SUSD3: variants seen among roughly 807,000 people sequenced by gnomAD.
SUSD3 encodes sushi domain containing 3.
A neutral mutation model predicts 20.6 loss-of-function variants in SUSD3; 18 were observed. That is an observed-to-expected ratio of 0.87 (90% CI 0.60 to 1.30). SUSD3 has a LOEUF of 1.30. Ranked by LOEUF, SUSD3 falls within the 50% of genes most tolerant of loss-of-function variation. The pLI is 0.00. For synonymous variants in SUSD3, 137 were observed against 141.5 expected (o/e 0.97, Z 0.23); for missense variants, 306 against 346.9 (o/e 0.88, Z 0.94).
At chr9:93,080,987 G>A (rs999012930) in intron 4 of SUSD3, among the ~76,000 whole-genome samples, 1 of 152,128 alleles carries the variant, frequency 6.6e-6, no homozygotes, top group Non-Finnish European at 1.5e-5. Context: ...TATTGTCACA[G>A]ATCTCCTGTC....
intron 4 of SUSD3, 23 bp from the exon 5 acceptor site, chr9:93,084,514 A>G (rs1380414234): frequency 6.4e-7 from 1 of 1,554,640 alleles, no homozygotes; most frequent in East Asian, 2.4e-5. Context: ...TCTTTTGCCA[A>G]CTCATGCCTC....
chr9:93,060,797 A>G (rs1825474439), intron 1 of SUSD3, among the ~76,000 whole-genome samples: 1 of 152,208 alleles, frequency 6.6e-6, no homozygotes. Context: ...TGATCACCTC[A>G]CTGCACTCCA....
At chr9:93,064,128 G>A (rs964187585) in intron 1 of SUSD3, among the ~76,000 whole-genome samples, 4 of 151,956 alleles carry the variant, frequency 2.6e-5, no homozygotes. Flanking sequence ...GGCTCACTGC[G>A]GCTTCTGCCT....
At chr9:93,073,101 C>T (rs1439483861) in intron 1 of SUSD3, among the ~76,000 whole-genome samples, 1 of 152,136 alleles carries the variant, frequency 6.6e-6, no homozygotes, top group Non-Finnish European at 1.5e-5. Context: ...TCCCTGCCAT[C>T]ACCCCCATCT....
At chr9:93,061,386 C>A (rs139028635) in intron 1 of SUSD3, among the ~76,000 whole-genome samples, 1 of 152,278 alleles carries the variant, frequency 6.6e-6, no homozygotes, top group Non-Finnish European at 1.5e-5. Context: ...CTCCTGCCAC[C>A]CATTGGCATC....
chr9:93,059,483 G>A (rs761451957), intron 1 of SUSD3, among the ~76,000 whole-genome samples: 1 of 152,150 alleles, frequency 6.6e-6, no homozygotes, highest in Non-Finnish European at 1.5e-5. Context: ...GTCTGCTCCC[G>A]TGCCCAAGGC....
intron 3 of SUSD3, among the ~76,000 whole-genome samples, chr9:93,078,909 C>T (rs1441913390): frequency 6.6e-6 from 1 of 152,052 alleles, no homozygotes; most frequent in Non-Finnish European, 1.5e-5. Context: ...ACGCCATTCT[C>T]CTGCCTCAGC....
rs1826140085 is a variant in SUSD3 at position 93,075,950 on chromosome 9, T to C, written c.255T>C (p.Ser85=). Residue 85 remains serine (S), a synonymous_variant, in exon 2 of 5, where the codon TCT becomes TCC. Coordinates refer to ENST00000375472, the MANE Select transcript of SUSD3 (RefSeq NM_145006.4). ...CTWKGSIAEW[S]SGSPVCKLVP... is the part of the protein sequence containing the mutation. Reference sequence around the variant, plus strand: ...GGAAGGGGAGCATCGCTGAGTGGTCTTCAGGGTCCCCAGTGTGCAAACGTA... The same window carrying C: ...GGAAGGGGAGCATCGCTGAGTGGTCCTCAGGGTCCCCAGTGTGCAAACGTA... 1.2e-6 allele frequency: 2 copies of C among 1,608,888 alleles called. No individual in the cohort carries two copies. The highest frequency in any genetic ancestry group is 8.5e-7 in the Non-Finnish European group (1 of 1,176,566).
At chr9:93,068,663 C>T (rs1241648215) in intron 1 of SUSD3, among the ~76,000 whole-genome samples, 1 of 152,136 alleles carries the variant, frequency 6.6e-6, no homozygotes, top group Non-Finnish European at 1.5e-5. Context: ...TTTTGCATTT[C>T]CATATGAGCT....
At chr9:93,075,303 T>C (rs1307794725) in intron 1 of SUSD3, among the ~76,000 whole-genome samples, 1 of 152,176 alleles carries the variant, frequency 6.6e-6, no homozygotes, top group East Asian at 1.9e-4. Flanking sequence ...CAAATATCCT[T>C]TCCCGAATTT....
At chr9:93,072,276 A>G (rs1224065458) in intron 1 of SUSD3, among the ~76,000 whole-genome samples, 6 of 151,842 alleles carry the variant, frequency 4.0e-5, no homozygotes, top group Non-Finnish European at 7.4e-5. Context: ...CCTGAGGGCC[A>G]CCCCTGCCTC....
intron 1 of SUSD3, among the ~76,000 whole-genome samples, chr9:93,061,773 C>T (rs1197078146): frequency 6.6e-6 from 1 of 152,202 alleles, no homozygotes; most frequent in Non-Finnish European, 1.5e-5. Context: ...GAAATTCCTC[C>T]TGAAGGTTCC....
chr9:93,059,748 C>G lies in SUSD3; in HGVS notation c.88+918C>G, dbSNP rs186073216. Among the ~76,000 whole-genome samples the G allele has an allele frequency of 8.1e-4, 124 of 152,322 alleles. 1 individual carries two copies. The highest frequency in any genetic ancestry group is 3.4e-3 in the Middle Eastern group (1 of 294). The stretch of plus-strand genomic sequence containing the variant: ...ACTGTCAGCCTGCAGCCCCAGGGAA[C>G]TGGCAGGAAGGTGGCAGGAGAATGG... On this transcript the variant is annotated intron_variant, in intron 1 of 4. Transcript: ENST00000375472.
Position 93,075,955 on chromosome 9 carries a change from G to C in SUSD3, c.260G>C (p.Gly87Ala). The C allele has an allele frequency of 6.2e-7, 1 of 1,606,202 alleles. No individual in the cohort carries two copies. Among genetic ancestry groups the C allele is most frequent in the Non-Finnish European group, 8.5e-7 (1 of 1,174,724 alleles). The change falls in exon 2 of 5, where the codon GGG becomes GCG. Residue 87 changes from glycine (G) to alanine (A), a missense_variant. Transcript: ENST00000375472. Reference protein sequence around the residue: ...WKGSIAEWSSGSPVCKLVPPH... With the variant: ...WKGSIAEWSSASPVCKLVPPH... Reference sequence around the variant, plus strand: ...GGGAGCATCGCTGAGTGGTCTTCAGGGTCCCCAGTGTGCAAACGTAAGGAC... The same window carrying C: ...GGGAGCATCGCTGAGTGGTCTTCAGCGTCCCCAGTGTGCAAACGTAAGGAC...
At chr9:93,077,790 G>A in intron 2 of SUSD3, 56 bp from the exon 3 acceptor site, 3 of 1,607,458 alleles carry the variant, frequency 1.9e-6, no homozygotes, top group Admixed American at 1.7e-5. Context: ...CCAACCCCTG[G>A]GCCAAGCAAA....
At position 93,075,141 on chromosome 9, in the gene SUSD3, T is replaced by C. The variant is rs73651355; in HGVS notation, c.89-643T>C. On this transcript the variant is annotated intron_variant, in intron 1 of 4. Coordinates refer to ENST00000375472, the MANE Select transcript of SUSD3 (RefSeq NM_145006.4). ...CTCAATTGCCTGTGGGTCTGCATTTTTCATGACTGTGGGCCACTGGTATCC... is the reference window on the plus strand; with the variant it reads ...CTCAATTGCCTGTGGGTCTGCATTTCTCATGACTGTGGGCCACTGGTATCC... Among the ~76,000 whole-genome samples the C allele has an allele frequency of 6.3e-3, 963 of 152,318 alleles. 10 individuals carry two copies. The highest frequency in any genetic ancestry group is 0.02 in the African/African-American group (848 of 41,554).
At chr9:93,081,335 C>T (rs1401581080) in intron 4 of SUSD3, among the ~76,000 whole-genome samples, 1 of 152,188 alleles carries the variant, frequency 6.6e-6, no homozygotes, top group East Asian at 1.9e-4. Context: ...TCCCTTCCTT[C>T]AGGCCCTCCT....
At chr9:93,077,695 C>T (rs1826222343) in intron 2 of SUSD3, 151 bp from the exon 3 acceptor site, 1 of 715,808 alleles carries the variant, frequency 1.4e-6, no homozygotes, top group Non-Finnish European at 2.3e-6. Flanking sequence ...CACCTCACTG[C>T]CCCCTTACCA....
chr9:93,066,215 G>C (rs1327833560), intron 1 of SUSD3, among the ~76,000 whole-genome samples: 1 of 151,934 alleles, frequency 6.6e-6, no homozygotes, highest in Non-Finnish European at 1.5e-5. Flanking sequence ...GAGATAAGAA[G>C]CAAAAAAAGT....
Sources: gnomAD v4.1 joint callset for allele counts (sites outside exome capture counted in the v4.1 genomes callset) on GRCh38, gnomAD v4.1.1 for gene constraint, MANE v1.5 for transcripts, NCBI Gene and HGNC (gene_info 2026-07-23, HGNC 2026-07-21) for gene names.